GATA4: variants seen among roughly 807,000 people sequenced by gnomAD.
GATA4 encodes the protein GATA binding protein 4, also known as transcription factor GATA-4.
GATA4 carries 7 observed loss-of-function variants against 37.9 expected under a neutral mutation model. The observed-to-expected ratio is 0.18, with a 90% confidence interval of 0.11 to 0.35. GATA4 has a LOEUF of 0.35. Among genes scored for constraint, GATA4 ranks in the 10% least tolerant of loss-of-function variants. GATA4 has a pLI of 1.00. For missense variants in GATA4, 647 were observed against 653.0 expected, an observed-to-expected ratio of 0.99 and a Z score of 0.10; for synonymous variants, 372 against 292.6, an observed-to-expected ratio of 1.27 and a Z score of -2.77.
Position 11,707,797 on chromosome 8 carries a change from G to C in GATA4, c.-457-59G>C, listed in dbSNP as rs1286271596. 5.8e-6 allele frequency: 1 copy of C among 173,354 alleles called. No homozygotes were observed. Among genetic ancestry groups the C allele is most frequent in the Non-Finnish European group, 1.2e-5 (1 of 81,348 alleles). 10.7% of individuals were successfully genotyped at this position (173,354 alleles called of 1,614,324 possible). On this transcript the variant is annotated intron_variant, in intron 1 of 6. Transcript: ENST00000532059. The surrounding 1 kb of genome is among the most constrained non-coding windows in gnomAD (Gnocchi z 4.7). ...GAAGAAGCAACCACGCAAGTGGAGA[G>C]TGGGTTCTGAAAGCTCTGGGATGAA...
chr8:11,750,300 T>A, intron 4 of GATA4, 64 bp downstream of exon 4: 1 of 1,600,352 alleles, frequency 6.2e-7, no homozygotes, highest in Non-Finnish European at 8.5e-7. Context: ...AGTCCTCCCT[T>A]GTCTTCTTCC....
intron 3 of GATA4, 97 bp from the exon 4 acceptor site, chr8:11,750,014 T>G (rs1319370597): frequency 6.3e-7 from 1 of 1,577,946 alleles, no homozygotes; most frequent in Non-Finnish European, 8.7e-7. Flanking sequence ...CAGCCCTGCC[T>G]CCCGTTAGGG....
In GATA4 at chr8:11,708,723, A is replaced by T; in HGVS notation, c.411A>T (p.Gly137=). The T allele has an allele frequency of 4.7e-6, 6 of 1,267,768 alleles. No individual in the cohort carries two copies. Among genetic ancestry groups the T allele is most frequent in the Non-Finnish European group, 5.9e-6 (6 of 1,013,410 alleles). The allele number at this position is 1,267,768 out of a possible 1,614,324, so 78.5% of individuals were successfully genotyped here. Residue 137 remains glycine (G), a synonymous_variant, in exon 2 of 7, where the codon GGA becomes GGT. Transcript: ENST00000532059. The surrounding 1 kb of genome is among the most constrained non-coding windows in gnomAD (Gnocchi z 6.7). ...CTGCGGCCTACAGCAGTGGCGGCGG[A>T]GCGGCGGGTGCGGGCCTGGCGGGCC... ...REAAAYSSGG[G]AAGAGLAGRE...
chr8:11,679,234 G>T (rs1413684931), intron 1 of GATA4, among the ~76,000 whole-genome samples: 1 of 150,824 alleles, frequency 6.6e-6, no homozygotes, highest in Non-Finnish European at 1.5e-5. Flanking sequence ...ACAGGAGAAT[G>T]TCAGTGGCCC....
Position 11,679,664 on chromosome 8 carries a change from T to G in GATA4, c.-274+2601T>G, listed in dbSNP as rs536709832. 2.0e-5 allele frequency among the ~76,000 whole-genome samples: 3 copies of G among 152,232 alleles called. No individual in the cohort carries two copies. In the East Asian group the frequency reaches 5.8e-4, roughly 29 times the overall value. ...CCAAGCACCCGCGGCCTTAAAAGTA[T>G]CCCGGCGAGCCCTGAGTGGGCCGGG... On this transcript the variant is annotated intron_variant, in intron 1 of 6. Coordinates refer to the GATA4 transcript ENST00000528712.
At chr8:11,704,524 A>G (rs147513272) in intron 1 of GATA4, among the ~76,000 whole-genome samples, 2 of 152,328 alleles carry the variant, frequency 1.3e-5, no homozygotes, top group African/African-American at 2.4e-5. Flanking sequence ...ACAGAGAAAT[A>G]TTGGAAGCGC....
At chr8:11,742,530 G>A (rs956319278) in intron 2 of GATA4, among the ~76,000 whole-genome samples, 2 of 152,178 alleles carry the variant, frequency 1.3e-5, no homozygotes, top group African/African-American at 4.8e-5. Context: ...AGGGTCAGAA[G>A]CAGAGGCCTT....
intron 1 of GATA4, chr8:11,692,710 G>C (rs1799357239): frequency 1.0e-6 from 1 of 985,150 alleles, no homozygotes; most frequent in Non-Finnish European, 1.2e-6. Flanking sequence ...TCCGTCGGGA[G>C]GCTGGGAGGG....
At position 11,729,602 on chromosome 8, in the gene GATA4, A is replaced by T. The variant is rs1801107417; in HGVS notation, c.617-19314A>T. ...GCTACTTAGGTTGAACACAGAAAGG[A>T]AGAAGGACTGTGTAGTTCAGTAGTG... is the stretch of plus-strand genomic sequence containing the variant. On this transcript the variant is annotated intron_variant, in intron 2 of 6. Transcript: ENST00000532059. Among the ~76,000 whole-genome samples, 3 of 151,696 alleles carry T rather than the reference A, an allele frequency of 2.0e-5. No individual in the cohort carries two copies. The South Asian group carries it at 6.2e-4, about 31-fold the overall frequency.
chr8:11,698,169 G>A (rs991135717), intron 1 of GATA4, among the ~76,000 whole-genome samples: 1 of 152,136 alleles, frequency 6.6e-6, no homozygotes, highest in African/African-American at 2.4e-5. Flanking sequence ...AACTTCCCAG[G>A]GTCTGTGGTC....
intron 2 of GATA4, among the ~76,000 whole-genome samples, chr8:11,720,071 G>A (rs1358158165): frequency 1.3e-5 from 2 of 151,822 alleles, no homozygotes; most frequent in Non-Finnish European, 2.9e-5. Context: ...AAAGCACATT[G>A]GTCTGGCGCG....
chr8:11,681,696 C>G (rs1038882775), intron 1 of GATA4, among the ~76,000 whole-genome samples: 1 of 152,038 alleles, frequency 6.6e-6, no homozygotes. Context: ...TCTCTTTTTC[C>G]TTAATTCTGT....
intron 2 of GATA4, among the ~76,000 whole-genome samples, chr8:11,714,994 C>T (rs1800374564): frequency 6.6e-6 from 1 of 152,152 alleles, no homozygotes; most frequent in Non-Finnish European, 1.5e-5. Flanking sequence ...ATATTAATTT[C>T]AGCATTGCTC....
At chr8:11,729,069 C>G (rs1474757546) in intron 2 of GATA4, among the ~76,000 whole-genome samples, 2 of 151,732 alleles carry the variant, frequency 1.3e-5, no homozygotes, top group Admixed American at 1.3e-4. Context: ...CCCTTCTCTA[C>G]TAAAAATAGA....
intron 1 of GATA4, among the ~76,000 whole-genome samples, chr8:11,684,004 C>A (rs979506133): frequency 6.6e-6 from 1 of 152,248 alleles, no homozygotes; most frequent in Non-Finnish European, 1.5e-5. Context: ...ACTCCCAAGT[C>A]TCCGGGTTTA....
intron 1 of GATA4, chr8:11,698,052 T>C (rs1315930532): frequency 1.0e-5 from 10 of 977,598 alleles, no homozygotes; most frequent in Non-Finnish European, 1.1e-5. Context: ...CCCGGTCGGG[T>C]TCTCTCTCCT....
upstream of GATA4, among the ~76,000 whole-genome samples, chr8:11,703,136 T>G (rs149569276): frequency 0.014 from 2,181 of 150,956 alleles, 30 homozygotes; most frequent in South Asian, 0.021. Context: ...ATCCCTCTAA[T>G]CTGGCTTGAG....
At chr8:11,689,190 T>G (rs1229895031), upstream of GATA4, among the ~76,000 whole-genome samples, 1 of 152,216 alleles carries the variant, frequency 6.6e-6, no homozygotes, top group African/African-American at 2.4e-5. Flanking sequence ...TTCAGGCCAG[T>G]AACCACTTAT....
chr8:11,701,464 G>T (rs1373759258), upstream of GATA4, among the ~76,000 whole-genome samples: 1 of 152,098 alleles, frequency 6.6e-6, no homozygotes, highest in Non-Finnish European at 1.5e-5. Flanking sequence ...GAGAAGCCTG[G>T]GAACCTAGAG....
Sources: allele counts gnomAD v4.1 joint callset (sites outside exome capture counted in the v4.1 genomes callset), GRCh38; gene constraint gnomAD v4.1.1; non-coding constraint Gnocchi (gnomAD v3.1); transcripts MANE v1.5; gene names NCBI Gene and HGNC (gene_info 2026-07-23, HGNC 2026-07-21).